Variants in ARB2A observed in about 807,000 individuals in gnomAD.
ARB2A encodes the protein ARB2 cotranscriptional regulator A.
At chr5:93,872,812 G>C in the ARB2A span, among the ~76,000 whole-genome samples, 1 of 151,882 alleles carries the variant, frequency 6.6e-6, no homozygotes, top group Admixed American at 6.6e-5. Context: ...AGCTACCCAG[G>C]AGGCTGAAGC....
chr5:93,734,202 G>A, the ARB2A span: 1 of 152,126 alleles, frequency 6.6e-6, no homozygotes, highest in South Asian at 2.1e-4. Flanking sequence ...TGATAAAAGT[G>A]TAAGAACAAG....
the ARB2A span, among the ~76,000 whole-genome samples, chr5:93,632,228 G>A: frequency 6.6e-6 from 1 of 152,180 alleles, no homozygotes; most frequent in African/African-American, 2.4e-5. Context: ...TGAAGGGGAG[G>A]ATGAGGTGGG....
the ARB2A span, among the ~76,000 whole-genome samples, chr5:93,903,149 G>A: frequency 1.3e-5 from 2 of 152,024 alleles, no homozygotes; most frequent in Admixed American, 6.6e-5. Flanking sequence ...ATGCTTAAAT[G>A]TTTCTTTATA....
At chr5:93,973,455 CTGAG>C in the ARB2A span, among the ~76,000 whole-genome samples, 1 of 152,134 alleles carries the variant, frequency 6.6e-6, no homozygotes, top group East Asian at 1.9e-4. Context: ...ACTGGCATTC[CTGAG>C]TGAGAAGAGA....
At chr5:93,941,177 T>C in the ARB2A span, among the ~76,000 whole-genome samples, 2 of 152,056 alleles carry the variant, frequency 1.3e-5, no homozygotes, top group Admixed American at 1.3e-4. Context: ...GTCCAAAGCA[T>C]TGATTATAAC....
the ARB2A span, among the ~76,000 whole-genome samples, chr5:94,009,687 G>A: frequency 6.6e-6 from 1 of 151,990 alleles, no homozygotes; most frequent in Non-Finnish European, 1.5e-5. Flanking sequence ...CTTTGAGAAA[G>A]AAATCTGAAG....
chr5:93,801,996 G>A, the ARB2A span, among the ~76,000 whole-genome samples: 1 of 152,032 alleles, frequency 6.6e-6, no homozygotes, highest in Non-Finnish European at 1.5e-5. Flanking sequence ...CTGTATTAGA[G>A]ACTGATTTTG....
the ARB2A span, among the ~76,000 whole-genome samples, chr5:93,977,750 A>T: frequency 6.6e-6 from 1 of 152,270 alleles, no homozygotes; most frequent in Non-Finnish European, 1.5e-5. Context: ...TGCAACAAAA[A>T]CAAAAATTGA....
At chr5:93,776,359 C>T in the ARB2A span, 2 of 664,268 alleles carry the variant, frequency 3.0e-6, no homozygotes, top group South Asian at 3.0e-5. Context: ...AATTTATTTT[C>T]CATACACTTA....
At chr5:94,083,471 T>A in the ARB2A span, among the ~76,000 whole-genome samples, 1 of 152,058 alleles carries the variant, frequency 6.6e-6, no homozygotes, top group Non-Finnish European at 1.5e-5. Flanking sequence ...TCAAAACCTA[T>A]TTTTGGAAAA....
the ARB2A span, among the ~76,000 whole-genome samples, chr5:93,661,976 A>C: frequency 2.0e-5 from 3 of 152,146 alleles, no homozygotes; most frequent in Non-Finnish European, 4.4e-5. Flanking sequence ...AGAGATAAAC[A>C]GAGACCACTC....
chr5:93,795,104 C>T, the ARB2A span, among the ~76,000 whole-genome samples: 1 of 152,040 alleles, frequency 6.6e-6, no homozygotes, highest in African/African-American at 2.4e-5. Context: ...TGAGCTCAGT[C>T]TCTCCTCTGG....
At chr5:93,699,255 C>T in the ARB2A span, among the ~76,000 whole-genome samples, 1 of 152,118 alleles carries the variant, frequency 6.6e-6, no homozygotes, top group Non-Finnish European at 1.5e-5. Flanking sequence ...GAGCAGCATG[C>T]ATGTGTGATA....
chr5:93,659,997 G>A, the ARB2A span, among the ~76,000 whole-genome samples: 1 of 151,226 alleles, frequency 6.6e-6, no homozygotes. Context: ...GAATTGTAAG[G>A]GTCTTACAAT....
At chr5:93,753,703 A>G in the ARB2A span, among the ~76,000 whole-genome samples, 1 of 152,192 alleles carries the variant, frequency 6.6e-6, no homozygotes, top group Non-Finnish European at 1.5e-5. Flanking sequence ...TGAAGTGCCT[A>G]GATTTATATC....
the ARB2A span, among the ~76,000 whole-genome samples, chr5:93,990,376 T>A: frequency 3.9e-5 from 6 of 152,008 alleles, no homozygotes; most frequent in South Asian, 1.2e-3. Flanking sequence ...AGTAAAATGA[T>A]ACTATTTTCA....
the ARB2A span, chr5:93,683,798 CG>C: frequency 2.5e-6 from 3 of 1,197,146 alleles, no homozygotes; most frequent in Non-Finnish European, 3.6e-6. Flanking sequence ...CCGCGCAGGA[CG>C]GAATCACACC....
the ARB2A span, among the ~76,000 whole-genome samples, chr5:93,951,917 A>G: frequency 1.3e-5 from 2 of 152,246 alleles, no homozygotes; most frequent in African/African-American, 2.4e-5. Context: ...ATAACTTACA[A>G]CACAGTGGTA....
the ARB2A span, chr5:93,683,336 T>A: frequency 1.9e-6 from 3 of 1,604,072 alleles, no homozygotes; most frequent in Non-Finnish European, 2.5e-6. Flanking sequence ...CTCCTCCTCT[T>A]CATCTTCTGA....
Sources: gnomAD v4.1 joint callset for allele counts (sites outside exome capture counted in the v4.1 genomes callset) on GRCh38, gnomAD v4.1.1 for gene constraint, MANE v1.5 for transcripts, NCBI Gene and HGNC (gene_info 2026-07-23, HGNC 2026-07-21) for gene names.